SGCZ: variants seen among roughly 807,000 people sequenced by gnomAD.
SGCZ encodes sarcoglycan zeta.
A neutral mutation model predicts 41.3 loss-of-function variants in SGCZ; 40 were observed. The observed-to-expected ratio is 0.97, with a 90% CI of 0.75 to 1.26. The LOEUF (loss-of-function observed/expected upper bound fraction) is 1.26, where lower values mean the gene tolerates loss of function less well. Ranked by LOEUF, SGCZ falls within the 50% of genes most tolerant of loss-of-function variation. The pLI is 0.00. For missense variants in SGCZ, 552 were observed against 369.8 expected (o/e 1.49, Z -4.04); for synonymous variants, 206 against 137.5 (o/e 1.50, Z -3.49).
intron 2 of SGCZ, among the ~76,000 whole-genome samples, chr8:14,543,820 C>T (rs183837884): frequency 2.9e-4 from 44 of 152,230 alleles, no homozygotes; most frequent in Non-Finnish European, 4.7e-4. Context: ...ATAGCATTTT[C>T]GGACTGAGTT....
intron 2 of SGCZ, among the ~76,000 whole-genome samples, chr8:14,334,735 A>G (rs1802453101): frequency 6.6e-6 from 1 of 152,138 alleles, no homozygotes; most frequent in Non-Finnish European, 1.5e-5. Context: ...TCCTCCATGA[A>G]AACGAAGCCA....
chr8:14,110,019 C>T (rs1447471486), intron 5 of SGCZ, among the ~76,000 whole-genome samples: 2 of 152,090 alleles, frequency 1.3e-5, no homozygotes, highest in South Asian at 2.1e-4. Flanking sequence ...AACTTTTTTT[C>T]ATGAATTTTG....
At chr8:14,688,447 A>G (rs1227210077) in intron 1 of SGCZ, among the ~76,000 whole-genome samples, 1 of 152,182 alleles carries the variant, frequency 6.6e-6, no homozygotes, top group African/African-American at 2.4e-5. Flanking sequence ...TTTATTAAAT[A>G]GGGAATCCAT....
At chr8:14,471,869 T>C (rs1354254840) in intron 2 of SGCZ, among the ~76,000 whole-genome samples, 1 of 152,028 alleles carries the variant, frequency 6.6e-6, no homozygotes, top group Non-Finnish European at 1.5e-5. Context: ...TACTAAGGGT[T>C]CCAATGAATA....
At chr8:14,556,704 C>T (rs1275480012) in intron 1 of SGCZ, among the ~76,000 whole-genome samples, 1 of 152,016 alleles carries the variant, frequency 6.6e-6, no homozygotes, top group Non-Finnish European at 1.5e-5. Flanking sequence ...TTTTCCATTC[C>T]TAAGTTACTT....
chr8:14,347,623 T>TA lies in SGCZ; in HGVS notation c.235-23420dup, dbSNP rs71722345. 5.8e-4 allele frequency among the ~76,000 whole-genome samples: 86 copies of TA among 149,058 alleles called. No individual in the cohort carries two copies. In the South Asian group the frequency reaches 0.012, roughly 21 times the overall value. ...CTTTATAAAATAAAAATTATAATTA[T>TA]AAAAAAAAATACATATACACATAGG... On this transcript the variant is annotated intron_variant, in intron 2 of 7. Transcript: ENST00000382080.
At chr8:14,689,322 A>G (rs1392352263) in intron 1 of SGCZ, among the ~76,000 whole-genome samples, 1 of 152,162 alleles carries the variant, frequency 6.6e-6, no homozygotes, top group Admixed American at 6.6e-5. Context: ...ACTTTTAATT[A>G]ATGAAATAAT....
intron 1 of SGCZ, among the ~76,000 whole-genome samples, chr8:14,726,418 A>G (rs1421584288): frequency 1.3e-5 from 2 of 149,886 alleles, no homozygotes; most frequent in African/African-American, 4.9e-5. Flanking sequence ...GATTAAAAAT[A>G]AAAGAGTAGA....
chr8:14,825,942 TTTA>T (rs1248448859), intron 1 of SGCZ, among the ~76,000 whole-genome samples: 4 of 152,204 alleles, frequency 2.6e-5, no homozygotes, highest in East Asian at 1.9e-4. Flanking sequence ...TTTTTTTAAT[TTTA>T]TTATTATTAT....
chr8:15,177,126 C>A (rs1345748352), intron 1 of SGCZ, among the ~76,000 whole-genome samples: 2 of 152,126 alleles, frequency 1.3e-5, no homozygotes, highest in Non-Finnish European at 2.9e-5. Context: ...CCAGGGAGAG[C>A]AAATTCAAAG....
intron 2 of SGCZ, among the ~76,000 whole-genome samples, chr8:14,398,551 G>T (rs1305142169): frequency 6.6e-6 from 1 of 152,118 alleles, no homozygotes; most frequent in South Asian, 2.1e-4. Context: ...TTGGGGTAAG[G>T]TTGAGGACAG....
chr8:14,515,529 A>C (rs531359173), intron 2 of SGCZ, among the ~76,000 whole-genome samples: 1 of 152,154 alleles, frequency 6.6e-6, no homozygotes, highest in Middle Eastern at 3.4e-3. Context: ...TATTTCTTTC[A>C]CAATATCTAT....
intron 2 of SGCZ, among the ~76,000 whole-genome samples, chr8:14,485,930 T>C (rs1416054811): frequency 1.4e-5 from 2 of 143,208 alleles, no homozygotes; most frequent in Admixed American, 1.5e-4. Flanking sequence ...CAAGCTCCGC[T>C]TCCCGGGTTC....
intron 2 of SGCZ, among the ~76,000 whole-genome samples, chr8:14,370,944 T>A (rs1292738618): frequency 1.3e-5 from 2 of 152,006 alleles, no homozygotes; most frequent in Non-Finnish European, 2.9e-5. Flanking sequence ...TGTCTAAATA[T>A]TTTTGCCACC....
At chr8:14,389,107 G>C (rs577377441) in intron 2 of SGCZ, among the ~76,000 whole-genome samples, 2 of 152,070 alleles carry the variant, frequency 1.3e-5, no homozygotes, top group East Asian at 3.9e-4. Flanking sequence ...AGAAAACTCA[G>C]TGGATCAGCT....
chr8:15,108,020 A>C (rs1251841077), intron 1 of SGCZ, among the ~76,000 whole-genome samples: 1 of 152,260 alleles, frequency 6.6e-6, no homozygotes, highest in Admixed American at 6.5e-5. Flanking sequence ...CTTATTTTCC[A>C]ATGGGATTTA....
intron 2 of SGCZ, among the ~76,000 whole-genome samples, chr8:14,549,489 T>G (rs1803734640): frequency 6.6e-6 from 1 of 152,012 alleles, no homozygotes; most frequent in Non-Finnish European, 1.5e-5. Context: ...TGAAGATCCC[T>G]CTACTGAAAG....
chr8:14,675,986 T>A (rs573564568), intron 1 of SGCZ, among the ~76,000 whole-genome samples: 9 of 152,142 alleles, frequency 5.9e-5, no homozygotes, highest in Non-Finnish European at 1.3e-4. Context: ...GCAGAGTGGT[T>A]CCTTAAATAT....
At chr8:14,469,878 A>G (rs1442920679) in intron 2 of SGCZ, among the ~76,000 whole-genome samples, 4 of 152,124 alleles carry the variant, frequency 2.6e-5, no homozygotes, top group Admixed American at 6.6e-5. Flanking sequence ...CCCTTCCCAT[A>G]TATCTTGTCC....
Sources: gnomAD v4.1 joint callset for allele counts (sites outside exome capture counted in the v4.1 genomes callset) on GRCh38, gnomAD v4.1.1 for gene constraint, MANE v1.5 for transcripts, NCBI Gene and HGNC (gene_info 2026-07-23, HGNC 2026-07-21) for gene names.